BAG4: variants seen among roughly 807,000 people sequenced by gnomAD.
The protein encoded by BAG4 is BAG family molecular chaperone regulator 4.
A neutral mutation model predicts 52.1 loss-of-function variants in BAG4; 28 were observed. The observed-to-expected ratio is 0.54, with a 90% confidence interval of 0.40 to 0.74. The LOEUF (loss-of-function observed/expected upper bound fraction) is 0.74, where lower values mean the gene tolerates loss of function less well. Ranked by LOEUF, BAG4 falls within the 30% of genes least tolerant of loss-of-function variation. BAG4 has a pLI of 0.00. For missense variants in BAG4, 525 were observed against 572.0 expected (o/e 0.92, Z 0.84); for synonymous variants, 208 against 217.0 (o/e 0.96, Z 0.37).
In BAG4 at chr8:38,211,202, CTTTTTTTTTTTTTT is replaced by C. The variant is rs758224495; in HGVS notation, c.*718_*731del. Reference sequence around the variant, plus strand: ...ATCATTAGGTTAGAGTTTTTTTCTTCTTTTTTTTTTTTTTTTTTTTTTACCACTTCTGCTGTTCA... The same window carrying C: ...ATCATTAGGTTAGAGTTTTTTTCTTCTTTTTTTTACCACTTCTGCTGTTCA... On this transcript the variant is annotated 3_prime_UTR_variant, in exon 5 of 5. Transcript: ENST00000287322. The C allele has an allele frequency of 4.3e-5, 4 of 93,674 alleles. No individual in the cohort carries two copies. Among genetic ancestry groups the C allele is most frequent in the African/African-American group, 7.9e-5 (2 of 25,360 alleles). 5.8% of individuals were successfully genotyped at this position (93,674 alleles called of 1,614,324 possible).
chr8:38,186,892 G>A (rs1397093315), intron 1 of BAG4, among the ~76,000 whole-genome samples: 2 of 152,172 alleles, frequency 1.3e-5, no homozygotes, highest in African/African-American at 4.8e-5. Context: ...CTTCATACTT[G>A]AAGTTTGAGG....
rs1372469618 is a variant in BAG4 at position 38,176,901 on chromosome 8, C to T, written c.32C>T (p.Pro11Leu). The change falls in exon 1 of 5, where the codon CCC (proline) becomes CTC (leucine). Residue 11 changes from proline (P) to leucine (L), a missense_variant. Physicochemically the swap from Pro to Leu is moderately conservative, Grantham distance 98. Around this residue, in one of 2 missense-constraint regions of BAG4, gnomAD observed 287 missense variants for 266.1 expected, o/e 1.08. Coordinates refer to ENST00000287322, the MANE Select transcript of BAG4 (RefSeq NM_004874.4). ...GCCCTGAGGCGCTCGGGCTACGGCC[C>T]CAGTGACGGTCCGTCCTACGGCCGC... MSALRRSGYGPSDGPSYGRYY... is the reference protein window; with the variant it reads MSALRRSGYGLSDGPSYGRYY... 1.5e-5 allele frequency: 23 copies of T among 1,546,964 alleles called. No homozygotes were observed. Among genetic ancestry groups the T allele is most frequent in the Non-Finnish European group, 2.0e-5 (23 of 1,145,826 alleles).
intron 1 of BAG4, among the ~76,000 whole-genome samples, chr8:38,178,071 G>A (rs1803196518): frequency 6.6e-6 from 1 of 151,982 alleles, no homozygotes; most frequent in Non-Finnish European, 1.5e-5. Flanking sequence ...CAAGAAAACT[G>A]ATAACGTATG....
At chr8:38,178,377 A>G (rs1240430821) in intron 1 of BAG4, among the ~76,000 whole-genome samples, 5 of 151,424 alleles carry the variant, frequency 3.3e-5, no homozygotes, top group African/African-American at 1.2e-4. Context: ...ATGGTCTTGA[A>G]CTCCTGACCT....
chr8:38,202,111 T>C (rs1024549110), intron 2 of BAG4: 18 of 151,640 alleles, frequency 1.2e-4, no homozygotes, highest in African/African-American at 4.1e-4. Flanking sequence ...GAGTAGGGTG[T>C]GAACAGCACG....
intron 2 of BAG4, among the ~76,000 whole-genome samples, chr8:38,199,318 G>A (rs1803619066): frequency 1.3e-5 from 2 of 152,324 alleles, no homozygotes; most frequent in South Asian, 4.1e-4. Flanking sequence ...TAGTTATGCA[G>A]TGCATGACTG....
chr8:38,188,218 C>T (rs1207583794), intron 1 of BAG4, among the ~76,000 whole-genome samples: 1 of 149,900 alleles, frequency 6.7e-6, no homozygotes, highest in South Asian at 2.1e-4. Flanking sequence ...ATATAAAAAA[C>T]AAAAAGTAAA....
At chr8:38,191,218 G>A (rs1257808377) in intron 1 of BAG4, among the ~76,000 whole-genome samples, 1 of 152,116 alleles carries the variant, frequency 6.6e-6, no homozygotes, top group African/African-American at 2.4e-5. Flanking sequence ...ACCAATGTAA[G>A]TATTCATTTG....
intron 1 of BAG4, among the ~76,000 whole-genome samples, chr8:38,186,060 C>T (rs75339826): frequency 6.6e-6 from 1 of 152,114 alleles, no homozygotes; most frequent in Non-Finnish European, 1.5e-5. Flanking sequence ...AGGTTTTCAT[C>T]CTAGGAGGAG....
At chr8:38,201,994 T>C (rs901081643) in intron 2 of BAG4, 7 of 148,846 alleles carry the variant, frequency 4.7e-5, no homozygotes, top group African/African-American at 7.4e-5. Context: ...TTATGTGCTA[T>C]GCAAGTATTA....
chr8:38,210,528 C>G lies in BAG4; in HGVS notation c.*35C>G. 1 of 1,528,788 alleles carries G rather than the reference C, an allele frequency of 6.5e-7. No individual in the cohort carries two copies. The highest frequency in any genetic ancestry group is 1.3e-5 in the South Asian group (1 of 75,436). The allele number at this position is 1,528,788 out of a possible 1,614,324, so 94.7% of individuals were successfully genotyped here. A position where few individuals can be genotyped will look rare whatever the true frequency, so the allele number is the denominator to read the frequency against. Reference sequence around the variant, plus strand: ...GAACAAAGTGGAAGCCTGTTACTAACTTGACCAAAGAACACTTGATTTGGT... The same window carrying G: ...GAACAAAGTGGAAGCCTGTTACTAAGTTGACCAAAGAACACTTGATTTGGT... On this transcript the variant is annotated 3_prime_UTR_variant, in exon 5 of 5. Transcript: ENST00000287322.
In BAG4 at chr8:38,211,975, A is replaced by G. The variant is rs1803874921; in HGVS notation, c.*1482A>G. The G allele has an allele frequency of 1.3e-5, 2 of 152,202 alleles. No homozygotes were observed. The highest frequency in any genetic ancestry group is 4.1e-4 in the South Asian group (2 of 4,826). 9.4% of individuals were successfully genotyped at this position (152,202 alleles called of 1,614,324 possible). Reference sequence around the variant, plus strand: ...CTGTCAGGCCTATGAGTAAATACTAAATCTATTAGCTGTCCCCACTCATAA... The same window carrying G: ...CTGTCAGGCCTATGAGTAAATACTAGATCTATTAGCTGTCCCCACTCATAA... On this transcript the variant is annotated 3_prime_UTR_variant, in exon 5 of 5. Coordinates refer to ENST00000287322, the MANE Select transcript of BAG4 (RefSeq NM_004874.4).
At chr8:38,183,737 G>A (rs1803314547) in intron 1 of BAG4, among the ~76,000 whole-genome samples, 1 of 151,626 alleles carries the variant, frequency 6.6e-6, no homozygotes, top group African/African-American at 2.4e-5. Flanking sequence ...TCCCCAGGGA[G>A]GTCTCAAACT....
At chr8:38,203,423 C>T (rs1803715999) in intron 2 of BAG4, among the ~76,000 whole-genome samples, 2 of 151,836 alleles carry the variant, frequency 1.3e-5, no homozygotes, top group South Asian at 2.1e-4. Context: ...GCTGGGACTA[C>T]AGTCGCCTGC....
At chr8:38,188,638 TATATACATGTATAC>T (rs1563280630) in intron 1 of BAG4, among the ~76,000 whole-genome samples, 63 of 146,206 alleles carry the variant, frequency 4.3e-4, no homozygotes, top group African/African-American at 1.5e-3. Flanking sequence ...TATATATACA[TATATACATGTATAC>T]ATATATACAT....
At chr8:38,205,987 G>A (rs573291850) in intron 2 of BAG4, among the ~76,000 whole-genome samples, 1 of 150,094 alleles carries the variant, frequency 6.7e-6, no homozygotes, top group Admixed American at 6.6e-5. Flanking sequence ...TAACTCCTGA[G>A]CTCAAGTGAT....
At chr8:38,201,644 A>G (rs1168527016) in intron 2 of BAG4, 1 of 151,682 alleles carries the variant, frequency 6.6e-6, no homozygotes, top group Non-Finnish European at 1.5e-5. Flanking sequence ...GTATATAGAT[A>G]TGACTGGTTT....
At chr8:38,188,727 G>A (rs1803417121) in intron 1 of BAG4, among the ~76,000 whole-genome samples, 1 of 149,580 alleles carries the variant, frequency 6.7e-6, no homozygotes, top group Non-Finnish European at 1.5e-5. Flanking sequence ...ATAAAAATAT[G>A]CAAAAGGCAA....
chr8:38,196,483 C>G (rs1016387175), intron 2 of BAG4, among the ~76,000 whole-genome samples: 3 of 151,776 alleles, frequency 2.0e-5, no homozygotes, highest in African/African-American at 7.3e-5. Flanking sequence ...AAAATCCCAT[C>G]TCTACTAAAA....
Sources: allele counts gnomAD v4.1 joint callset (sites outside exome capture counted in the v4.1 genomes callset), GRCh38; gene constraint gnomAD v4.1.1; regional missense constraint gnomAD v4.1.1; transcripts MANE v1.5; gene names NCBI Gene and HGNC (gene_info 2026-07-23, HGNC 2026-07-21).